EPHA7: variants seen among roughly 807,000 people sequenced by gnomAD.
EPHA7 encodes ephrin type-A receptor 7.
EPHA7 carries 25 observed loss-of-function variants against 112.6 expected under a neutral mutation model. That is an observed-to-expected ratio of 0.22 (90% confidence interval 0.16 to 0.31). The LOEUF (loss-of-function observed/expected upper bound fraction) is 0.31. Among genes scored for constraint, EPHA7 ranks in the 10% least tolerant of loss-of-function variants. The pLI is 1.00. For missense variants in EPHA7, 962 were observed against 1,212.6 expected (o/e 0.79, Z 3.07); for synonymous variants, 437 against 406.5 (o/e 1.07, Z -0.90).
chr6:93,338,452 A>G (rs893231077), intron 5 of EPHA7, among the ~76,000 whole-genome samples: 4 of 152,026 alleles, frequency 2.6e-5, no homozygotes, highest in African/African-American at 9.7e-5. Context: ...TGTGATTCCT[A>G]TGTCACCTCT....
At chr6:93,370,407 C>A (rs946419176) in intron 3 of EPHA7, among the ~76,000 whole-genome samples, 4 of 152,126 alleles carry the variant, frequency 2.6e-5, no homozygotes, top group Non-Finnish European at 4.4e-5. Context: ...ACAATACTTT[C>A]ATTTCTGTTG....
At chr6:93,357,781 G>A (rs1299850409) in intron 4 of EPHA7, among the ~76,000 whole-genome samples, 4 of 151,764 alleles carry the variant, frequency 2.6e-5, no homozygotes, top group East Asian at 1.9e-4. Flanking sequence ...AGTCTTCCGC[G>A]TAGCTGGGAT....
At position 93,253,672 on chromosome 6, in the gene EPHA7, G is replaced by A. The variant is rs554456573; in HGVS notation, c.2532+975C>T. 2.6e-5 allele frequency among the ~76,000 whole-genome samples: 4 copies of A among 152,108 alleles called. No individual in the cohort carries two copies. The South Asian group carries it at 8.3e-4, about 32-fold the overall frequency. ...CTACATCTCTGTTATAGAAAAGTGA[G>A]TCCATTTGATCGGTCTTCATACACC... On this transcript the variant is annotated intron_variant, in intron 14 of 16. Transcript: ENST00000369303.
chr6:93,366,022 T>G (rs1467405264), intron 3 of EPHA7, among the ~76,000 whole-genome samples: 2 of 152,178 alleles, frequency 1.3e-5, no homozygotes, highest in African/African-American at 4.8e-5. Flanking sequence ...TGAACACATC[T>G]TTACTTAAAT....
chr6:93,350,223 AT>A (rs1381161741), intron 5 of EPHA7, among the ~76,000 whole-genome samples: 1 of 152,040 alleles, frequency 6.6e-6, no homozygotes, highest in East Asian at 1.9e-4. Context: ...ATTTGTTAAT[AT>A]TCTCAGGAAA....
At chr6:93,385,855 C>G (rs779864477) in intron 3 of EPHA7, among the ~76,000 whole-genome samples, 3 of 152,106 alleles carry the variant, frequency 2.0e-5, no homozygotes, top group Non-Finnish European at 4.4e-5. Context: ...GGGAAGGTCT[C>G]AGGAAACATA....
chr6:93,261,903 A>C (rs2127864273), intron 9 of EPHA7, among the ~76,000 whole-genome samples: 1 of 151,666 alleles, frequency 6.6e-6, no homozygotes, highest in South Asian at 2.1e-4. Context: ...GCTATACAAC[A>C]AATTTTGGAT....
intron 5 of EPHA7, among the ~76,000 whole-genome samples, chr6:93,294,449 C>A (rs1320883415): frequency 1.3e-5 from 2 of 151,862 alleles, no homozygotes. Flanking sequence ...ATATACTAAA[C>A]CTGAAGATGA....
intron 3 of EPHA7, among the ~76,000 whole-genome samples, chr6:93,399,669 T>C (rs1280721071): frequency 6.6e-6 from 1 of 152,032 alleles, no homozygotes; most frequent in Non-Finnish European, 1.5e-5. Context: ...TCTTGTTGGC[T>C]CTGTGTGTGT....
At chr6:93,358,736 A>G (rs1776089754) in intron 3 of EPHA7, among the ~76,000 whole-genome samples, 1 of 152,242 alleles carries the variant, frequency 6.6e-6, no homozygotes, top group African/African-American at 2.4e-5. Context: ...ATTCAAATTT[A>G]ACTTGGATTT....
chr6:93,298,877 T>C (rs1340466980), intron 5 of EPHA7, among the ~76,000 whole-genome samples: 4 of 152,160 alleles, frequency 2.6e-5, no homozygotes, highest in Non-Finnish European at 4.4e-5. Context: ...TCTAACTGTG[T>C]TTATTTGGAT....
At chr6:93,362,380 C>A (rs954252223) in intron 3 of EPHA7, among the ~76,000 whole-genome samples, 79 of 151,972 alleles carry the variant, frequency 5.2e-4, no homozygotes, top group African/African-American at 1.9e-3. Context: ...TATTTAATCT[C>A]AACTATTTAA....
chr6:93,381,199 GTCCTTGACAACACAATTACAAAT>G (rs1365327293), intron 3 of EPHA7, among the ~76,000 whole-genome samples: 7 of 152,094 alleles, frequency 4.6e-5, no homozygotes, highest in Admixed American at 4.6e-4. Context: ...ATGCACATCT[GTCCTTGACAACACAATTACAAAT>G]TGAGAAACTT....
Position 93,241,341 on chromosome 6 carries a change from T to A in EPHA7, c.*2085A>T, listed in dbSNP as rs1769680445. On this transcript the variant is annotated 3_prime_UTR_variant, in exon 17 of 17. Coordinates refer to ENST00000369303, the MANE Select transcript of EPHA7 (RefSeq NM_004440.4). Reference sequence around the variant, plus strand: ...TCTCACAAAGGCCAATGCTACTGATTAGAATTGTAAAGTGCTGGACTTAGT... The same window carrying A: ...TCTCACAAAGGCCAATGCTACTGATAAGAATTGTAAAGTGCTGGACTTAGT... 4.6e-6 allele frequency: 1 copy of A among 216,798 alleles called. No homozygotes were observed. The highest frequency in any genetic ancestry group is 2.2e-5 in the African/African-American group (1 of 44,488). 13.4% of individuals were successfully genotyped at this position (216,798 alleles called of 1,614,324 possible).
chr6:93,313,549 A>G (rs1773645946), intron 5 of EPHA7, among the ~76,000 whole-genome samples: 1 of 152,076 alleles, frequency 6.6e-6, no homozygotes, highest in African/African-American at 2.4e-5. Flanking sequence ...CTTATTTGGT[A>G]TAAAAAAGAT....
intron 3 of EPHA7, among the ~76,000 whole-genome samples, chr6:93,363,034 A>C (rs1582598100): frequency 6.6e-6 from 1 of 152,206 alleles, no homozygotes; most frequent in South Asian, 2.1e-4. Context: ...TTTATCTCAG[A>C]CATACTTCAC....
At chr6:93,328,055 C>T (rs905275274) in intron 5 of EPHA7, among the ~76,000 whole-genome samples, 7 of 151,484 alleles carry the variant, frequency 4.6e-5, no homozygotes, top group African/African-American at 1.7e-4. Flanking sequence ...ATCTCCCCCA[C>T]TGAACATGCT....
intron 5 of EPHA7, among the ~76,000 whole-genome samples, chr6:93,299,902 T>G (rs973069742): frequency 6.6e-6 from 1 of 152,092 alleles, no homozygotes; most frequent in Admixed American, 6.5e-5. Context: ...ATGTTCTCAC[T>G]TGTAAGTGGG....
chr6:93,410,390 C>A lies in EPHA7; in HGVS notation c.832+111G>T. ...ACTTTGTTTAAGATCTACTGAATTG[C>A]GCTTCTGGTACAGAGCAGATTCACG... On this transcript the variant is annotated intron_variant, in intron 3 of 16. Coordinates refer to ENST00000369303, the MANE Select transcript of EPHA7 (RefSeq NM_004440.4). The surrounding 1 kb of genome is among the most constrained non-coding windows in gnomAD (Gnocchi z 4.0). 1 of 977,632 alleles carries A rather than the reference C, an allele frequency of 1.0e-6. No individual in the cohort carries two copies. Among genetic ancestry groups the A allele is most frequent in the Non-Finnish European group, 1.5e-6 (1 of 658,750 alleles). The allele number at this position is 977,632 out of a possible 1,614,324, so 60.6% of individuals were successfully genotyped here.
Sources: allele counts gnomAD v4.1 joint callset (sites outside exome capture counted in the v4.1 genomes callset), GRCh38; gene constraint gnomAD v4.1.1; non-coding constraint Gnocchi (gnomAD v3.1); transcripts MANE v1.5; gene names NCBI Gene and HGNC (gene_info 2026-07-23, HGNC 2026-07-21).